The following TRAP1 variants were observed in gnomAD, a reference collection of about 807,000 sequenced individuals.
TRAP1 encodes the protein TNF receptor associated protein 1.
A neutral mutation model predicts 89.1 loss-of-function variants in TRAP1; 102 were observed. The observed-to-expected ratio is 1.15, with a 90% confidence interval of 0.98 to 1.35. The LOEUF is 1.35. Among genes scored for constraint, TRAP1 ranks in the 40% most tolerant of loss-of-function variants. The probability of loss-of-function intolerance (pLI) is 0.00; values close to 1 mark genes in which losing one functional copy is unlikely to be tolerated. For missense variants in TRAP1, 1,256 were observed against 945.3 expected (o/e 1.33, Z -4.31); for synonymous variants, 508 against 388.0 (o/e 1.31, Z -3.64).
At chr16:3,691,599 T>G (rs150104869) in intron 1 of TRAP1, among the ~76,000 whole-genome samples, 125 of 152,036 alleles carry the variant, frequency 8.2e-4, no homozygotes, top group African/African-American at 2.9e-3. Context: ...CTGAAACCTG[T>G]CTCGACCCTC....
At chr16:3,667,230 G>C (rs2050846412) in intron 11 of TRAP1, among the ~76,000 whole-genome samples, 1 of 152,182 alleles carries the variant, frequency 6.6e-6, no homozygotes, top group Admixed American at 6.5e-5. Context: ...CCACCGTGAA[G>C]AGTCAGAGCC....
In TRAP1 at chr16:3,717,451, G is replaced by T; in HGVS notation, c.58C>A (p.Arg20=). ...GGCACGGCCGCCAGCGCCGGCGCCC[G>T]CAGCAAAGGCCGCAGGCGGCGGCCC... ...LWGRRLRPLL[R]APALAAVPGG... Residue 20 remains arginine (R), a synonymous_variant, in exon 1 of 18, where the codon CGG becomes AGG. Transcript: ENST00000246957. 7.8e-7 allele frequency: 1 copy of T among 1,280,564 alleles called. No homozygotes were observed. The highest frequency in any genetic ancestry group is 9.8e-7 in the Non-Finnish European group (1 of 1,021,022). The allele number at this position is 1,280,564 out of a possible 1,614,324, so 79.3% of individuals were successfully genotyped here.
At chr16:3,670,882 C>T (rs1308800579) in intron 11 of TRAP1, among the ~76,000 whole-genome samples, 1 of 152,116 alleles carries the variant, frequency 6.6e-6, no homozygotes, top group East Asian at 1.9e-4. Flanking sequence ...AGACCTGCTC[C>T]TGCCCGCGGC....
rs533913848 is a variant in TRAP1 at position 3,670,617 on chromosome 16, T to C, written c.1235+1105A>G. Among the ~76,000 whole-genome samples, 10 of 152,216 alleles carry C rather than the reference T, an allele frequency of 6.6e-5. No homozygotes were observed. The South Asian group carries it at 1.5e-3, about 22-fold the overall frequency. On this transcript the variant is annotated intron_variant, in intron 11 of 17. Coordinates refer to ENST00000246957, the MANE Select transcript of TRAP1 (RefSeq NM_016292.3). Reference sequence around the variant, plus strand: ...TACTTGGGAGGCTGAGGTGGAAGGATTGCTTGAGCCCAAGAGGTTGAGGCT... The same window carrying C: ...TACTTGGGAGGCTGAGGTGGAAGGACTGCTTGAGCCCAAGAGGTTGAGGCT...
At position 3,700,363 on chromosome 16, in the gene TRAP1, C is replaced by G. The variant is rs1050395658; in HGVS notation, c.89-9378G>C. 9.9e-5 allele frequency among the ~76,000 whole-genome samples: 15 copies of G among 152,026 alleles called. 1 individual carries two copies. Among genetic ancestry groups the G allele is most frequent in the African/African-American group, 3.6e-4 (15 of 41,486 alleles). On this transcript the variant is annotated intron_variant, in intron 1 of 17. Coordinates refer to ENST00000246957, the MANE Select transcript of TRAP1 (RefSeq NM_016292.3). ...TGCATTTTTTGTAGAGACGGGGTTTCTCCATGTTGGTCAGGCTGCTCTCTA... is the reference window on the plus strand; with the variant it reads ...TGCATTTTTTGTAGAGACGGGGTTTGTCCATGTTGGTCAGGCTGCTCTCTA...
chr16:3,691,984 A>G (rs1392070711), intron 1 of TRAP1, among the ~76,000 whole-genome samples: 2 of 152,038 alleles, frequency 1.3e-5, no homozygotes, highest in East Asian at 3.9e-4. Context: ...GAAACCAGAC[A>G]CTTTCACTCC....
intron 1 of TRAP1, among the ~76,000 whole-genome samples, chr16:3,702,981 G>C (rs1159418668): frequency 6.9e-6 from 1 of 145,930 alleles, no homozygotes. Context: ...GGTGGAGGTT[G>C]TGGTAAGCCA....
intron 11 of TRAP1, among the ~76,000 whole-genome samples, chr16:3,667,106 G>A (rs558739206): frequency 4.9e-4 from 75 of 152,196 alleles, no homozygotes; most frequent in African/African-American, 7.2e-4. Flanking sequence ...CCCAGGATGC[G>A]GTGCAGAGCC....
chr16:3,716,480 T>C (rs2051599235), intron 1 of TRAP1, among the ~76,000 whole-genome samples: 4 of 152,284 alleles, frequency 2.6e-5, no homozygotes, highest in South Asian at 2.1e-4. Context: ...TTTAAACAAA[T>C]GACACGTCCA....
Position 3,662,156 on chromosome 16 carries a change from G to A in TRAP1, c.1795-24C>T, listed in dbSNP as rs1456717142. 3.1e-6 allele frequency: 5 copies of A among 1,596,292 alleles called. No homozygotes were observed. In the African/African-American group the frequency reaches 4.0e-5, roughly 13 times the overall value. On this transcript the variant is annotated intron_variant, in intron 15 of 17. Coordinates refer to ENST00000246957, the MANE Select transcript of TRAP1 (RefSeq NM_016292.3). ...ACCTGTGAGCAAAGCCCGGGGTTGA[G>A]GGTGATAGAGGTTCCCAATGTGAGA...
At position 3,689,108 on chromosome 16, in the gene TRAP1, C is replaced by G. The variant is rs558631874; in HGVS notation, c.277G>C (p.Glu93Gln). The change falls in exon 3 of 18, where the codon GAG (glutamate) becomes CAG (glutamine). Residue 93 changes from glutamate to glutamine, a missense_variant. Glu to Gln is a conservative substitution (Grantham distance 29). Coordinates refer to ENST00000246957, the MANE Select transcript of TRAP1 (RefSeq NM_016292.3). The part of the protein sequence containing the change: ...GSTSKHEFQA[E>Q]TKKLLDIVAR... ...ACAATGTCCAAAAGCTTCTTTGTCTCGGCCTGGAACTCATGTTTGGAAGTG... is the reference window on the plus strand; with the variant it reads ...ACAATGTCCAAAAGCTTCTTTGTCTGGGCCTGGAACTCATGTTTGGAAGTG... 2 of 1,613,914 alleles carry G rather than the reference C, an allele frequency of 1.2e-6. No homozygotes were observed. Among genetic ancestry groups the G allele is most frequent in the East Asian group, 2.2e-5 (1 of 44,874 alleles).
rs757579346 is a variant in TRAP1 at position 3,666,193 on chromosome 16, T to C, written c.1236-75A>G. ...CAAATGGCCAGAGGGTACGAAAAAA[T>C]GTTCAGCCCCGCTAAGAATCAAAGA... is the stretch of plus-strand genomic sequence containing the variant. On this transcript the variant is annotated intron_variant, in intron 11 of 17. Coordinates refer to ENST00000246957, the MANE Select transcript of TRAP1 (RefSeq NM_016292.3). The C allele has an allele frequency of 7.3e-6, 11 of 1,513,300 alleles. No individual in the cohort carries two copies. The Admixed American group carries it at 1.5e-4, about 21-fold the overall frequency. 93.7% of individuals were successfully genotyped at this position (1,513,300 alleles called of 1,614,324 possible).
At position 3,689,241 on chromosome 16, in the gene TRAP1, A is replaced by AT; in HGVS notation, c.248-105_248-104insA. 5 of 886,696 alleles carry AT rather than the reference A, an allele frequency of 5.6e-6. No homozygotes were observed. The East Asian group carries it at 9.0e-5, about 16-fold the overall frequency. The allele number at this position is 886,696 out of a possible 1,614,324, so 54.9% of individuals were successfully genotyped here. A position where few individuals can be genotyped will look rare whatever the true frequency, so the allele number is the denominator to read the frequency against. ...GAAAGCTTAAGTTTATGAGTTTTAAACTTTTTTTTTTTTTTTTTTTTGAGA... is the reference window on the plus strand; with the variant it reads ...GAAAGCTTAAGTTTATGAGTTTTAAATCTTTTTTTTTTTTTTTTTTTTGAGA... On this transcript the variant is annotated intron_variant, in intron 2 of 17. Transcript: ENST00000246957.
intron 9 of TRAP1, 152 bp downstream of exon 9, chr16:3,674,187 C>A (rs1042267943): frequency 9.0e-7 from 1 of 1,107,528 alleles, no homozygotes; most frequent in Non-Finnish European, 1.3e-6. Flanking sequence ...TCCCAAAGTG[C>A]TGGGATAACA....
At position 3,663,511 on chromosome 16, in the gene TRAP1, C is replaced by T. The variant is rs746933204; in HGVS notation, c.1621G>A (p.Glu541Lys). 7 of 1,614,148 alleles carry T rather than the reference C, an allele frequency of 4.3e-6. No individual in the cohort carries two copies. The Admixed American group carries it at 8.3e-5, about 19-fold the overall frequency. The change falls in exon 14 of 18, where the codon GAG becomes AAG. Residue 541 changes from glutamate to lysine, a missense_variant. By Grantham distance (56) the Glu-to-Lys change is moderately conservative. Coordinates refer to ENST00000246957, the MANE Select transcript of TRAP1 (RefSeq NM_016292.3). ...FDELTLLHLREFDKKKLISVE... is the reference protein window; with the variant it reads ...FDELTLLHLRKFDKKKLISVE... ...GAGATCAGCTTCTTCTTGTCAAACT[C>T]ACGAAGGTGCAGCAGGGTGAGCTCA...
chr16:3,704,665 T>C (rs936822675), intron 1 of TRAP1, among the ~76,000 whole-genome samples: 7 of 151,958 alleles, frequency 4.6e-5, no homozygotes, highest in Non-Finnish European at 1.0e-4. Context: ...CCAGCCTAGG[T>C]AACATAGGGA....
At chr16:3,710,696 T>C (rs2051516580) in intron 1 of TRAP1, among the ~76,000 whole-genome samples, 1 of 152,080 alleles carries the variant, frequency 6.6e-6, no homozygotes, top group African/African-American at 2.4e-5. Flanking sequence ...TGTCTTAATT[T>C]CTCCTTCGAG....
At chr16:3,689,498 C>A (rs939996563) in intron 2 of TRAP1, among the ~76,000 whole-genome samples, 2 of 152,064 alleles carry the variant, frequency 1.3e-5, no homozygotes, top group African/African-American at 4.8e-5. Flanking sequence ...CCCGCCTCGG[C>A]CTCCCACACA....
chr16:3,662,782 T>C (rs1238804355), intron 15 of TRAP1, 100 bp downstream of exon 15: 1 of 1,126,502 alleles, frequency 8.9e-7, no homozygotes, highest in Non-Finnish European at 1.3e-6. Flanking sequence ...CTGCTGCTGC[T>C]GGAAGGACAC....
Sources: allele counts gnomAD v4.1 joint callset (sites outside exome capture counted in the v4.1 genomes callset), GRCh38; gene constraint gnomAD v4.1.1; transcripts MANE v1.5; gene names NCBI Gene and HGNC (gene_info 2026-07-23, HGNC 2026-07-21).